CAMK4: variants seen among roughly 807,000 people sequenced by gnomAD.
CAMK4 encodes calcium/calmodulin-dependent protein kinase type IV.
Under a neutral mutation model 44.9 loss-of-function variants are expected in CAMK4, and 22 were observed. The ratio of observed to expected loss-of-function variants is 0.49; its 90% CI spans 0.35 to 0.70. CAMK4 has a LOEUF of 0.70. CAMK4 is among the 30% of genes least tolerant of loss of function. CAMK4 has a pLI of 0.01. For synonymous variants in CAMK4, 218 were observed against 215.4 expected, an observed-to-expected ratio of 1.01 and a Z score of -0.11; for missense variants, 498 against 586.8, an observed-to-expected ratio of 0.85 and a Z score of 1.56.
chr5:111,485,808 T>G lies in CAMK4; in HGVS notation c.*1342T>G, dbSNP rs1755594383. The G allele has an allele frequency of 6.6e-6, 1 of 152,144 alleles. No homozygotes were observed. The highest frequency in any genetic ancestry group is 2.4e-5 in the African/African-American group (1 of 41,448). 9.4% of individuals were successfully genotyped at this position (152,144 alleles called of 1,614,324 possible). ...TTATTATGATTTTTCCCAGAATAAG[T>G]TTAATTTCTCTTTGACTTTCATAGA... On this transcript the variant is annotated 3_prime_UTR_variant, in exon 11 of 11. Coordinates refer to ENST00000282356, the MANE Select transcript of CAMK4 (RefSeq NM_001744.6).
intron 2 of CAMK4, among the ~76,000 whole-genome samples, chr5:111,350,677 G>A (rs396640): frequency 0.92 from 139,530 of 152,170 alleles, 64,080 homozygotes; most frequent in East Asian, 1. Flanking sequence ...TATAATACCA[G>A]TAAAGTTCTG....
chr5:111,317,001 G>C (rs143796659), intron 1 of CAMK4, among the ~76,000 whole-genome samples: 106 of 152,164 alleles, frequency 7.0e-4, no homozygotes, highest in African/African-American at 2.5e-3. Context: ...TTTCTAGCTG[G>C]TTCAAGCTTC....
chr5:111,438,646 A>C (rs1169894403), intron 5 of CAMK4, among the ~76,000 whole-genome samples: 1 of 152,200 alleles, frequency 6.6e-6, no homozygotes, highest in Admixed American at 6.5e-5. Context: ...AAATGTGCTC[A>C]AAGAGTTTAC....
chr5:111,401,361 T>A (rs306094), intron 5 of CAMK4, among the ~76,000 whole-genome samples: 1 of 151,922 alleles, frequency 6.6e-6, no homozygotes, highest in Non-Finnish European at 1.5e-5. Flanking sequence ...CTGTCAGTAC[T>A]GCATTTCTTC....
intron 1 of CAMK4, among the ~76,000 whole-genome samples, chr5:111,325,274 G>C (rs1273452840): frequency 4.6e-5 from 7 of 151,892 alleles, no homozygotes; most frequent in African/African-American, 1.7e-4. Flanking sequence ...ATGGGCATTT[G>C]GGTTGGTTCC....
intron 5 of CAMK4, among the ~76,000 whole-genome samples, chr5:111,421,181 T>G (rs1753018508): frequency 6.6e-6 from 1 of 152,204 alleles, no homozygotes; most frequent in African/African-American, 2.4e-5. Context: ...GTCCCTCCAT[T>G]TGGGGTCCCT....
chr5:111,252,865 A>C (rs1346147845), intron 1 of CAMK4, among the ~76,000 whole-genome samples: 1 of 152,208 alleles, frequency 6.6e-6, no homozygotes, highest in Non-Finnish European at 1.5e-5. Context: ...TAGACTAGAA[A>C]AATAATTCTA....
chr5:111,466,621 T>C (rs1345345023), intron 7 of CAMK4, among the ~76,000 whole-genome samples: 1 of 151,816 alleles, frequency 6.6e-6, no homozygotes, highest in Non-Finnish European at 1.5e-5. Context: ...ATTAAAATAC[T>C]TAGGAACAAA....
At chr5:111,400,496 C>A (rs1279603718) in intron 5 of CAMK4, among the ~76,000 whole-genome samples, 1 of 152,108 alleles carries the variant, frequency 6.6e-6, no homozygotes, top group Non-Finnish European at 1.5e-5. Flanking sequence ...TTGAAAAGTT[C>A]TTGGGAAATA....
In CAMK4 at chr5:111,224,867, C is replaced by G. The variant is rs1032429035; in HGVS notation, c.161+223C>G. On this transcript the variant is annotated intron_variant, in intron 1 of 10. Coordinates refer to ENST00000282356, the MANE Select transcript of CAMK4 (RefSeq NM_001744.6). This position sits in a 1 kb window ranked among gnomAD's most constrained non-coding sequence, Gnocchi z 5.7. ...GTGCAGCTGTAGGATCAGCCCGACT[C>G]CCTCCCACCTTCCCTCCTTCTCGCA... Among the ~76,000 whole-genome samples, 5 of 149,534 alleles carry G rather than the reference C, an allele frequency of 3.3e-5. No homozygotes were observed. Among genetic ancestry groups the G allele is most frequent in the Non-Finnish European group, 4.5e-5 (3 of 66,872 alleles).
intron 6 of CAMK4, among the ~76,000 whole-genome samples, chr5:111,448,150 A>T (rs1277564115): frequency 6.6e-6 from 1 of 152,208 alleles, no homozygotes; most frequent in Non-Finnish European, 1.5e-5. Context: ...AGTGCAAGCG[A>T]TATAGCTCAG....
chr5:111,309,451 C>G (rs1748104972), intron 1 of CAMK4, among the ~76,000 whole-genome samples: 1 of 152,102 alleles, frequency 6.6e-6, no homozygotes. Flanking sequence ...AAAATATGTG[C>G]CCATTTTTGT....
At chr5:111,383,651 G>A (rs1483753002) in intron 4 of CAMK4, among the ~76,000 whole-genome samples, 9 of 144,832 alleles carry the variant, frequency 6.2e-5, no homozygotes, top group Non-Finnish European at 1.2e-4. Flanking sequence ...ATTTTTAGTA[G>A]AGACAGGGTT....
intron 5 of CAMK4, among the ~76,000 whole-genome samples, chr5:111,408,924 A>G (rs1420489122): frequency 6.6e-6 from 1 of 152,178 alleles, no homozygotes; most frequent in African/African-American, 2.4e-5. Flanking sequence ...GATCATGCTG[A>G]TGCAAGCAGT....
intron 5 of CAMK4, among the ~76,000 whole-genome samples, chr5:111,443,243 C>CATATATATATATATATATAT (rs1232548245): frequency 1.4e-5 from 1 of 72,214 alleles, no homozygotes; most frequent in Non-Finnish European, 2.7e-5. Flanking sequence ...CTCCCCCTAC[C>CATATATATATATATATATAT]ATATATATAT....
At chr5:111,292,206 A>G (rs1344488091) in intron 1 of CAMK4, among the ~76,000 whole-genome samples, 1 of 152,210 alleles carries the variant, frequency 6.6e-6, no homozygotes, top group Non-Finnish European at 1.5e-5. Context: ...TCTCCATGAT[A>G]TCACCCTCAT....
chr5:111,322,167 C>A (rs1173407920), intron 1 of CAMK4, among the ~76,000 whole-genome samples: 1 of 152,016 alleles, frequency 6.6e-6, no homozygotes, highest in Non-Finnish European at 1.5e-5. Flanking sequence ...ACCATATTCA[C>A]CTGGATTCTC....
chr5:111,274,879 C>T (rs998355533), intron 1 of CAMK4, among the ~76,000 whole-genome samples: 7 of 151,946 alleles, frequency 4.6e-5, no homozygotes, highest in Non-Finnish European at 8.8e-5. Context: ...TGTTATACCA[C>T]TCTTTTTTTT....
In CAMK4 at chr5:111,417,948, G is replaced by T. The variant is rs1752872815; in HGVS notation, c.459+23166G>T. 2.0e-5 allele frequency among the ~76,000 whole-genome samples: 3 copies of T among 151,386 alleles called. No individual in the cohort carries two copies. In the South Asian group the frequency reaches 6.2e-4, roughly 31 times the overall value. Reference sequence around the variant, plus strand: ...TAATATTTTATTGTGATTTTTAAATGTTAATTTCCATCCATGCAGTTTTGT... The same window carrying T: ...TAATATTTTATTGTGATTTTTAAATTTTAATTTCCATCCATGCAGTTTTGT... On this transcript the variant is annotated intron_variant, in intron 5 of 10. Transcript: ENST00000282356.
Sources: gnomAD v4.1 joint callset for allele counts (sites outside exome capture counted in the v4.1 genomes callset) on GRCh38, gnomAD v4.1.1 for gene constraint, Gnocchi (gnomAD v3.1) non-coding constraint, MANE v1.5 for transcripts, NCBI Gene and HGNC (gene_info 2026-07-23, HGNC 2026-07-21) for gene names.